Variants in MAF observed in about 807,000 individuals in gnomAD.
MAF encodes the protein transcription factor Maf.
A neutral mutation model predicts 22.0 loss-of-function variants in MAF; 10 were observed. That is an observed-to-expected ratio of 0.45 (90% CI 0.28 to 0.77). The LOEUF (loss-of-function observed/expected upper bound fraction) is 0.77, where lower values mean the gene tolerates loss of function less well. MAF is among the 30% of genes least tolerant of loss of function. The probability of loss-of-function intolerance (pLI) is 0.12; values close to 1 mark genes in which losing one functional copy is unlikely to be tolerated. For synonymous variants in MAF, 337 were observed against 255.8 expected, an observed-to-expected ratio of 1.32 and a Z score of -3.03; for missense variants, 544 against 548.4, an observed-to-expected ratio of 0.99 and a Z score of 0.08.
the MAF span, among the ~76,000 whole-genome samples, chr16:79,237,019 T>A: frequency 6.6e-6 from 1 of 152,066 alleles, no homozygotes; most frequent in South Asian, 2.1e-4. Flanking sequence ...ACTCGCCTTA[T>A]TAACCCAATA....
At chr16:79,520,839 G>T in the MAF span, among the ~76,000 whole-genome samples, 11 of 152,228 alleles carry the variant, frequency 7.2e-5, no homozygotes, top group Admixed American at 5.9e-4. Context: ...ATTGGCATTG[G>T]CAAGGGAAGG....
downstream of MAF, among the ~76,000 whole-genome samples, chr16:79,591,190 A>G (rs1321621444): frequency 6.6e-6 from 1 of 152,184 alleles, no homozygotes; most frequent in South Asian, 2.1e-4. Flanking sequence ...GAAACGGTCA[A>G]GGCTGGTAAT....
the MAF span, among the ~76,000 whole-genome samples, chr16:79,567,897 G>A: frequency 1.3e-5 from 2 of 152,164 alleles, no homozygotes; most frequent in Non-Finnish European, 1.5e-5. Context: ...TTTCTCCTGC[G>A]TCGCAGAGCT....
At chr16:79,277,677 C>T in the MAF span, among the ~76,000 whole-genome samples, 1 of 152,214 alleles carries the variant, frequency 6.6e-6, no homozygotes, top group Admixed American at 6.5e-5. Context: ...GTCAAACTAT[C>T]CCTTCCTCTC....
the MAF span, among the ~76,000 whole-genome samples, chr16:79,409,161 C>CT: frequency 6.6e-6 from 1 of 152,028 alleles, no homozygotes; most frequent in Non-Finnish European, 1.5e-5. Flanking sequence ...AACAGAAACT[C>CT]TTTTTAGGCG....
the MAF span, among the ~76,000 whole-genome samples, chr16:79,328,435 C>T: frequency 6.6e-6 from 1 of 152,180 alleles, no homozygotes; most frequent in East Asian, 1.9e-4. Flanking sequence ...GAAATCCCCA[C>T]AGGTTCCTGG....
At chr16:79,598,296 C>G in intron 1 of MAF, 1 of 1,086,680 alleles carries the variant, frequency 9.2e-7, no homozygotes, top group Non-Finnish European at 1.1e-6. Flanking sequence ...ATAAAACACA[C>G]ACACACACAG....
the MAF span, among the ~76,000 whole-genome samples, chr16:79,467,759 T>C: frequency 2.6e-5 from 4 of 152,062 alleles, no homozygotes; most frequent in Non-Finnish European, 5.9e-5. Context: ...TATGCTCAAG[T>C]TTGTGAACCA....
chr16:79,563,766 C>G, the MAF span, among the ~76,000 whole-genome samples: 20 of 146,082 alleles, frequency 1.4e-4, no homozygotes, highest in African/African-American at 5.0e-4. Flanking sequence ...CACACACAAA[C>G]ACACACACGT....
the MAF span, among the ~76,000 whole-genome samples, chr16:79,233,142 G>C: frequency 1.6e-4 from 25 of 152,012 alleles, no homozygotes; most frequent in African/African-American, 6.0e-4. Flanking sequence ...GCCCGGCCTT[G>C]ATAGGCCATT....
the MAF span, among the ~76,000 whole-genome samples, chr16:79,401,492 T>C: frequency 2.0e-5 from 3 of 152,110 alleles, no homozygotes; most frequent in Admixed American, 6.6e-5. Flanking sequence ...GAGAATACAC[T>C]TCATATATTT....
chr16:79,343,198 G>C, the MAF span, among the ~76,000 whole-genome samples: 7 of 152,002 alleles, frequency 4.6e-5, no homozygotes, highest in African/African-American at 1.2e-4. Flanking sequence ...ACAAATCTAA[G>C]ACTATAGCAA....
At chr16:79,456,260 G>A in the MAF span, among the ~76,000 whole-genome samples, 1 of 151,996 alleles carries the variant, frequency 6.6e-6, no homozygotes, top group South Asian at 2.1e-4. Flanking sequence ...GATTTATGGG[G>A]AGCGATCTAA....
chr16:79,225,801 G>C, the MAF span, among the ~76,000 whole-genome samples: 1 of 152,212 alleles, frequency 6.6e-6, no homozygotes, highest in South Asian at 2.1e-4. Flanking sequence ...CTGGTCATTA[G>C]AGAAATGCAA....
In MAF at chr16:79,600,377, C is replaced by A. The variant is rs1597850302; in HGVS notation, c.-475G>T. ...AGGCAGGGCGCGCGCGGCGTCCGCT[C>A]GGGGCTGGAGGCGCGGCGGGCGTCT... On this transcript the variant is annotated 5_prime_UTR_variant, in exon 1 of 2. Transcript: ENST00000326043. 1.5e-5 allele frequency: 3 copies of A among 197,358 alleles called. No homozygotes were observed. In the East Asian group the frequency reaches 2.8e-4, roughly 19 times the overall value. 12.2% of individuals were successfully genotyped at this position (197,358 alleles called of 1,614,324 possible). A position where few individuals can be genotyped will look rare whatever the true frequency, so the allele number is the denominator to read the frequency against.
At chr16:79,390,920 G>A in the MAF span, among the ~76,000 whole-genome samples, 1 of 152,144 alleles carries the variant, frequency 6.6e-6, no homozygotes, top group African/African-American at 2.4e-5. Context: ...TCCCTGAGAT[G>A]CTTATCAAAG....
the MAF span, among the ~76,000 whole-genome samples, chr16:79,520,066 C>T: frequency 1.4e-4 from 22 of 152,164 alleles, no homozygotes; most frequent in African/African-American, 4.1e-4. Context: ...TCAAAAGGTT[C>T]GCATAGGTAT....
the MAF span, among the ~76,000 whole-genome samples, chr16:79,448,922 A>G: frequency 2.6e-5 from 4 of 152,246 alleles, no homozygotes; most frequent in African/African-American, 9.6e-5. Context: ...AGCACATTAC[A>G]TTTATTGTGC....
At position 79,599,943 on chromosome 16, in the gene MAF, A is replaced by T; in HGVS notation, c.-41T>A. ...GCCGCCGCCGCCGCCGCTCCGCCAG[A>T]TGGGCTGCAGGAGAGGGGCCAGCGG... On this transcript the variant is annotated 5_prime_UTR_variant, in exon 1 of 2. Coordinates refer to ENST00000326043, the MANE Select transcript of MAF (RefSeq NM_005360.5). 6.3e-7 allele frequency: 1 copy of T among 1,597,648 alleles called. No individual in the cohort carries two copies. The highest frequency in any genetic ancestry group is 8.5e-7 in the Non-Finnish European group (1 of 1,179,240).
Sources: gnomAD v4.1 joint callset for allele counts (sites outside exome capture counted in the v4.1 genomes callset) on GRCh38, gnomAD v4.1.1 for gene constraint, MANE v1.5 for transcripts, NCBI Gene and HGNC (gene_info 2026-07-23, HGNC 2026-07-21) for gene names.